IL1RAP: variants seen among roughly 807,000 people sequenced by gnomAD.
IL1RAP encodes the protein interleukin 1 receptor accessory protein.
A neutral mutation model predicts 60.7 loss-of-function variants in IL1RAP; 35 were observed. The observed-to-expected ratio is 0.58, with a 90% CI of 0.44 to 0.76. IL1RAP has a LOEUF of 0.76. Ranked by LOEUF, IL1RAP falls within the 30% of genes least tolerant of loss-of-function variation. The pLI is 0.00. For missense variants in IL1RAP, 572 were observed against 693.9 expected, an observed-to-expected ratio of 0.82 and a Z score of 1.97; for synonymous variants, 268 against 250.9, an observed-to-expected ratio of 1.07 and a Z score of -0.64.
downstream of IL1RAP, chr3:190,656,234 A>C (rs1157286925): frequency 1.3e-6 from 2 of 1,537,192 alleles, no homozygotes; most frequent in Admixed American, 3.9e-5. Context: ...TCCCAGTCTG[A>C]CATCAGTCTG....
intron 3 of IL1RAP, among the ~76,000 whole-genome samples, chr3:190,578,833 G>A (rs1477002695): frequency 6.6e-6 from 1 of 152,154 alleles, no homozygotes; most frequent in Non-Finnish European, 1.5e-5. Context: ...GCGTGTGCAG[G>A]GGAACTGCCC....
intron 6 of IL1RAP, among the ~76,000 whole-genome samples, chr3:190,622,522 A>T (rs1256620601): frequency 1.3e-5 from 2 of 151,686 alleles, no homozygotes; most frequent in Admixed American, 1.3e-4. Flanking sequence ...GTTACCCACA[A>T]CTCTGCCTGA....
At chr3:190,521,891 T>C (rs1046766670) in intron 1 of IL1RAP, among the ~76,000 whole-genome samples, 1 of 152,136 alleles carries the variant, frequency 6.6e-6, no homozygotes, top group South Asian at 2.1e-4. Context: ...TTAATCTCCA[T>C]AGTTTTCTAC....
In IL1RAP at chr3:190,564,311, G is replaced by T; in HGVS notation, c.22G>T (p.Val8Leu). 1 of 1,611,660 alleles carries T rather than the reference G, an allele frequency of 6.2e-7. No homozygotes were observed. The highest frequency in any genetic ancestry group is 1.7e-5 in the Admixed American group (1 of 59,940). Residue 8 changes from valine to leucine, a missense_variant, in exon 3 of 12, where the codon GTG (valine) becomes TTG (leucine). Val to Leu is a conservative substitution (Grantham distance 32). Coordinates refer to ENST00000447382, the MANE Select transcript of IL1RAP (RefSeq NM_002182.4). Reference sequence around the variant, plus strand: ...CAGGATGACACTTCTGTGGTGTGTAGTGAGTCTCTACTTTTATGGAATCCT... The same window carrying T: ...CAGGATGACACTTCTGTGGTGTGTATTGAGTCTCTACTTTTATGGAATCCT... Reference protein sequence around the residue: MTLLWCVVSLYFYGILQS... With the variant: MTLLWCVLSLYFYGILQS...
intron 2 of IL1RAP, chr3:190,563,627 G>A (rs888617908): frequency 6.6e-6 from 1 of 152,192 alleles, no homozygotes; most frequent in Non-Finnish European, 1.5e-5. Context: ...CATCATTTCT[G>A]TCTTCCAGTG....
At chr3:190,584,200 G>C (rs956850999) in intron 3 of IL1RAP, among the ~76,000 whole-genome samples, 2 of 152,218 alleles carry the variant, frequency 1.3e-5, no homozygotes, top group African/African-American at 4.8e-5. Flanking sequence ...TCATATGTTT[G>C]AGAAGTCCAT....
chr3:190,545,581 G>GA (rs1724298270), intron 1 of IL1RAP, among the ~76,000 whole-genome samples: 1 of 152,154 alleles, frequency 6.6e-6, no homozygotes, highest in African/African-American at 2.4e-5. Flanking sequence ...GATTCCAGTA[G>GA]AAAATAGTGT....
intron 9 of IL1RAP, among the ~76,000 whole-genome samples, chr3:190,643,813 G>T (rs1465497492): frequency 6.6e-6 from 1 of 152,186 alleles, no homozygotes; most frequent in African/African-American, 2.4e-5. Context: ...CAAATCAGCT[G>T]CATCAACAAT....
At chr3:190,621,733 C>T (rs895834614) in intron 6 of IL1RAP, among the ~76,000 whole-genome samples, 8 of 148,058 alleles carry the variant, frequency 5.4e-5, no homozygotes, top group Admixed American at 3.3e-4. Flanking sequence ...AGTGAAACTG[C>T]GATATGAGTT....
chr3:190,590,020 G>T (rs1728809203), intron 3 of IL1RAP, among the ~76,000 whole-genome samples: 1 of 152,162 alleles, frequency 6.6e-6, no homozygotes, highest in Non-Finnish European at 1.5e-5. Flanking sequence ...TTTCTCTGCT[G>T]ATTCTCTTTC....
At chr3:190,600,561 T>G (rs1729767330) in intron 3 of IL1RAP, among the ~76,000 whole-genome samples, 2 of 152,328 alleles carry the variant, frequency 1.3e-5, no homozygotes, top group South Asian at 4.1e-4. Context: ...GTACCCAACC[T>G]AAGGGAGCCT....
intron 1 of IL1RAP, among the ~76,000 whole-genome samples, chr3:190,527,698 T>C (rs1364493392): frequency 6.6e-6 from 1 of 151,756 alleles, no homozygotes; most frequent in Admixed American, 6.6e-5. Context: ...TTTTTTTTTT[T>C]TTTTTGCTTT....
intron 9 of IL1RAP, among the ~76,000 whole-genome samples, chr3:190,638,426 T>C (rs1404746450): frequency 2.0e-5 from 3 of 152,200 alleles, no homozygotes; most frequent in Non-Finnish European, 4.4e-5. Context: ...TTGATGTGAC[T>C]GTTCAAACAT....
At chr3:190,585,769 A>G (rs1000237151) in intron 3 of IL1RAP, among the ~76,000 whole-genome samples, 2 of 152,006 alleles carry the variant, frequency 1.3e-5, no homozygotes, top group African/African-American at 4.8e-5. Context: ...CCAAGATTGC[A>G]TCACTGCACT....
intron 1 of IL1RAP, among the ~76,000 whole-genome samples, chr3:190,524,963 T>C (rs1577500686): frequency 6.6e-6 from 1 of 151,890 alleles, no homozygotes; most frequent in African/African-American, 2.4e-5. Flanking sequence ...TATTTAAATA[T>C]TGAAGTAATA....
intron 3 of IL1RAP, among the ~76,000 whole-genome samples, chr3:190,570,289 G>T (rs1190834661): frequency 6.6e-6 from 1 of 152,180 alleles, no homozygotes; most frequent in Non-Finnish European, 1.5e-5. Flanking sequence ...GCGTGTTTTA[G>T]AGATAGTGGG....
chr3:190,627,269 GTTTT>G, intron 7 of IL1RAP, 50 bp from the exon 8 acceptor site: 1 of 1,390,450 alleles, frequency 7.2e-7, no homozygotes, highest in Non-Finnish European at 9.7e-7. Flanking sequence ...GTTTTGTTTT[GTTTT>G]GTTTTGTTTT....
At chr3:190,554,115 T>C (rs1725180242) in intron 1 of IL1RAP, among the ~76,000 whole-genome samples, 1 of 150,442 alleles carries the variant, frequency 6.6e-6, no homozygotes, top group South Asian at 2.1e-4. Flanking sequence ...AGATTTCTTG[T>C]TTTGCATCTC....
At position 190,648,944 on chromosome 3, in the gene IL1RAP, C is replaced by T. The variant is rs1734231809; in HGVS notation, c.*239C>T. 1 of 1,272,570 alleles carries T rather than the reference C, an allele frequency of 7.9e-7. No homozygotes were observed. 78.8% of individuals were successfully genotyped at this position (1,272,570 alleles called of 1,614,324 possible). The stretch of plus-strand genomic sequence containing the variant: ...CTGATGCCACTATGTTCTTTGCAGG[C>T]AAAGACTTGTTCAATGCGAATTTCC... On this transcript the variant is annotated 3_prime_UTR_variant, in exon 12 of 12. Transcript: ENST00000447382.
Sources: allele counts gnomAD v4.1 joint callset (sites outside exome capture counted in the v4.1 genomes callset), GRCh38; gene constraint gnomAD v4.1.1; transcripts MANE v1.5; gene names NCBI Gene and HGNC (gene_info 2026-07-23, HGNC 2026-07-21).